P2RX1: variants seen among roughly 807,000 people sequenced by gnomAD.
The protein encoded by P2RX1 is P2X purinoceptor 1.
Under a neutral mutation model 50.3 loss-of-function variants are expected in P2RX1, and 42 were observed. The ratio of observed to expected loss-of-function variants is 0.83; its 90% CI spans 0.65 to 1.08. The LOEUF (loss-of-function observed/expected upper bound fraction) is 1.08. Among genes scored for constraint, P2RX1 ranks in the 50% least tolerant of loss-of-function variants. The pLI is 0.00. For missense variants in P2RX1, 449 were observed against 529.0 expected, an observed-to-expected ratio of 0.85 and a Z score of 1.48; for synonymous variants, 199 against 202.6, an observed-to-expected ratio of 0.98 and a Z score of 0.15.
Position 3,904,386 on chromosome 17 carries a change from C to A in P2RX1, c.371G>T (p.Gly124Val). ...ACAGCCACTGTCTTCCTTGCATATG[C>A]CCCCTTCTGGGTGCTGGGGGAGGCA... is the stretch of plus-strand genomic sequence containing the variant. ...QGYCAEHPEGGICKEDSGCTP... is the reference protein window; with the variant it reads ...QGYCAEHPEGVICKEDSGCTP... Residue 124 changes from glycine to valine, a missense_variant, in exon 4 of 12, where the codon GGC becomes GTC. Transcript: ENST00000225538. The A allele has an allele frequency of 1.2e-6, 2 of 1,613,900 alleles. No individual in the cohort carries two copies. The highest frequency in any genetic ancestry group is 2.2e-5 in the South Asian group (2 of 91,026).
intron 9 of P2RX1, 46 bp from the exon 10 acceptor site, chr17:3,898,595 C>A: frequency 6.7e-7 from 1 of 1,495,426 alleles, no homozygotes; most frequent in East Asian, 2.3e-5. Context: ...TCGGAAGGGG[C>A]CCAGCTGGAA....
At chr17:3,901,880 C>T (rs1300202482) in intron 7 of P2RX1, among the ~76,000 whole-genome samples, 2 of 151,930 alleles carry the variant, frequency 1.3e-5, no homozygotes, top group African/African-American at 2.4e-5. Flanking sequence ...ACCCTCGGGG[C>T]GACCCCACGA....
chr17:3,915,933 C>T (rs2052398545), intron 1 of P2RX1, 156 bp downstream of exon 1: 2 of 935,378 alleles, frequency 2.1e-6, no homozygotes, highest in Non-Finnish European at 3.4e-6. Flanking sequence ...AGCGAGTTGG[C>T]AGGATTTTCT....
Position 3,903,638 on chromosome 17 carries a change from G to A in P2RX1, c.525-7C>T. The A allele has an allele frequency of 6.2e-7, 1 of 1,613,754 alleles. No homozygotes were observed. The highest frequency in any genetic ancestry group is 8.5e-7 in the Non-Finnish European group (1 of 1,179,836). On this transcript the variant is annotated splice_polypyrimidine_tract_variant and splice_region_variant and intron_variant, in intron 5 of 11. Transcript: ENST00000225538. The surrounding 1 kb of genome is among the most constrained non-coding windows in gnomAD (Gnocchi z 4.6). ...CTCTCGGAGAAGGGCAGGGCTGGAGGACACCACACGCACTCACCGCCCCTC... is the reference window on the plus strand; with the variant it reads ...CTCTCGGAGAAGGGCAGGGCTGGAGAACACCACACGCACTCACCGCCCCTC...
intron 1 of P2RX1, among the ~76,000 whole-genome samples, chr17:3,913,108 G>A (rs1048405367): frequency 1.9e-4 from 29 of 151,730 alleles, no homozygotes; most frequent in Admixed American, 3.9e-4. Flanking sequence ...TCAGCTCTTC[G>A]GGGAGAGCTC....
chr17:3,898,847 G>C lies in P2RX1; in HGVS notation c.966+87C>G, dbSNP rs556573573. The C allele has an allele frequency of 7.4e-6, 8 of 1,084,596 alleles. No individual in the cohort carries two copies. The African/African-American group carries it at 1.2e-4, about 17-fold the overall frequency. The allele number at this position is 1,084,596 out of a possible 1,614,324, so 67.2% of individuals were successfully genotyped here. On this transcript the variant is annotated intron_variant, in intron 9 of 11. Transcript: ENST00000225538. ...TGCTGGATGAACCCACCCAACTTCCGGTTGTCTATAACTGTAGATGCCCAA... is the reference window on the plus strand; with the variant it reads ...TGCTGGATGAACCCACCCAACTTCCCGTTGTCTATAACTGTAGATGCCCAA...
chr17:3,903,586 C>T lies in P2RX1; in HGVS notation c.570G>A (p.Lys190=). Residue 190 remains lysine (K), a synonymous_variant, in exon 6 of 12, where the codon AAG becomes AAA. Coordinates refer to ENST00000225538, the MANE Select transcript of P2RX1 (RefSeq NM_002558.4). This position sits in a 1 kb window ranked among gnomAD's most constrained non-coding sequence, Gnocchi z 4.6. ...TGAAGCGTGGAAAGCTGATGCTGTT[C>T]TTGATGAAAAGAGTGAAGTTCTCGG... is the stretch of plus-strand genomic sequence containing the variant. ...REAENFTLFI[K]NSISFPRFKV... The T allele has an allele frequency of 6.2e-7, 1 of 1,614,218 alleles. No homozygotes were observed. The highest frequency in any genetic ancestry group is 8.5e-7 in the Non-Finnish European group (1 of 1,180,040).
intron 1 of P2RX1, among the ~76,000 whole-genome samples, chr17:3,915,164 C>T (rs1421504465): frequency 2.0e-5 from 3 of 152,196 alleles, no homozygotes; most frequent in South Asian, 2.1e-4. Flanking sequence ...GGCTGAGCCC[C>T]CTCCAGTGGC....
chr17:3,906,410 C>T (rs1441531605), intron 1 of P2RX1, among the ~76,000 whole-genome samples: 1 of 152,240 alleles, frequency 6.6e-6, no homozygotes, highest in Non-Finnish European at 1.5e-5. Context: ...GGATTATAGG[C>T]ATGAGCCACC....
intron 1 of P2RX1, chr17:3,915,292 A>T (rs1757757341): frequency 2.7e-6 from 1 of 372,772 alleles, no homozygotes; most frequent in Non-Finnish European, 5.3e-6. Flanking sequence ...GGGCACAGCC[A>T]TATGTACACA....
chr17:3,915,305 A>C (rs2056429773), intron 1 of P2RX1: 2 of 379,422 alleles, frequency 5.3e-6, no homozygotes, highest in Non-Finnish European at 1.0e-5. Flanking sequence ...TGTACACATA[A>C]GGGTACCCAC....
Position 3,899,684 on chromosome 17 carries a change from CT to C in P2RX1, c.824del (p.Glu275GlyfsTer58), listed in dbSNP as rs750782807. The C allele has an allele frequency of 2.9e-5, 47 of 1,613,872 alleles. No homozygotes were observed. In the Admixed American group the frequency reaches 7.8e-4, roughly 27 times the overall value. On this transcript the variant is annotated frameshift_variant, in exon 8 of 12. Transcript: ENST00000225538. LOFTEE classifies it high-confidence loss of function. ...WHVRHCRPIYEFHGLYEEKNL... is the reference protein window; with the variant it reads ...WHVRHCRPIYXFHGLYEEKNL... ...TTTTCTCTTCGTACAGCCCATGGAA[CT>C]CATAGATGGGTCTGCAGTGCCGTAC...
intron 1 of P2RX1, among the ~76,000 whole-genome samples, chr17:3,910,135 T>C (rs1358874192): frequency 6.6e-6 from 1 of 151,970 alleles, no homozygotes; most frequent in Non-Finnish European, 1.5e-5. Flanking sequence ...CCAACACGCC[T>C]GGCTAATTTT....
At chr17:3,898,792 C>T in intron 9 of P2RX1, 142 bp downstream of exon 9, 3 of 806,642 alleles carry the variant, frequency 3.7e-6, no homozygotes, top group Non-Finnish European at 6.7e-6. Context: ...CTGGACATGC[C>T]CCATGACCAT....
chr17:3,896,783 C>T lies in P2RX1; in HGVS notation c.*1031G>A, dbSNP rs2056030343. On this transcript the variant is annotated 3_prime_UTR_variant, in exon 12 of 12. Transcript: ENST00000225538. ...CTGGGAGGGCTGTCCTGGCCTGGCA[C>T]ACTTGGAGAGAAGCCTTTCCCTATG... The T allele has an allele frequency of 6.6e-6, 1 of 152,262 alleles. No homozygotes were observed. The highest frequency in any genetic ancestry group is 1.5e-5 in the Non-Finnish European group (1 of 68,078). The allele number at this position is 152,262 out of a possible 1,614,324, so 9.4% of individuals were successfully genotyped here.
At chr17:3,910,556 C>G (rs2056345026) in intron 1 of P2RX1, among the ~76,000 whole-genome samples, 1 of 152,244 alleles carries the variant, frequency 6.6e-6, no homozygotes, top group Non-Finnish European at 1.5e-5. Context: ...GGCTGAGACA[C>G]TGGAGGAGCT....
At chr17:3,909,326 G>A (rs900175972) in intron 1 of P2RX1, among the ~76,000 whole-genome samples, 10 of 151,670 alleles carry the variant, frequency 6.6e-5, no homozygotes, top group East Asian at 1.9e-4. Context: ...CACCGCGCCC[G>A]GCCTCTATGA....
At chr17:3,900,263 A>G (rs1027037344) in intron 7 of P2RX1, among the ~76,000 whole-genome samples, 9 of 151,972 alleles carry the variant, frequency 5.9e-5, no homozygotes, top group Non-Finnish European at 1.2e-4. Flanking sequence ...GACCAGCCAG[A>G]CCAACGCAAT....
intron 1 of P2RX1, among the ~76,000 whole-genome samples, chr17:3,908,225 T>C (rs973380404): frequency 6.6e-6 from 1 of 152,006 alleles, no homozygotes. Flanking sequence ...AAGGGAAAGG[T>C]CGGTCAGATC....
Sources: allele counts gnomAD v4.1 joint callset (sites outside exome capture counted in the v4.1 genomes callset), GRCh38; gene constraint gnomAD v4.1.1; non-coding constraint Gnocchi (gnomAD v3.1); transcripts MANE v1.5; gene names NCBI Gene and HGNC (gene_info 2026-07-23, HGNC 2026-07-21).